The following ZNF106 variants were observed in gnomAD, a reference collection of about 807,000 sequenced individuals.
ZNF106 encodes zinc finger protein 106.
ZNF106 carries 67 observed loss-of-function variants against 195.1 expected under a neutral mutation model. The ratio of observed to expected loss-of-function variants is 0.34; its 90% CI spans 0.28 to 0.42. ZNF106 has a LOEUF of 0.42. ZNF106 is among the 10% of genes least tolerant of loss of function. The pLI, the probability that ZNF106 is intolerant of heterozygous loss-of-function variation, is 1.00. For synonymous variants in ZNF106, 784 were observed against 818.6 expected (o/e 0.96, Z 0.72); for missense variants, 2,118 against 2,304.5 (o/e 0.92, Z 1.66).
chr15:42,441,505 G>T (rs1185912083), intron 10 of ZNF106, among the ~76,000 whole-genome samples: 1 of 152,086 alleles, frequency 6.6e-6, no homozygotes, highest in Non-Finnish European at 1.5e-5. Context: ...GCACCACTGT[G>T]GTAATGCAAA....
chr15:42,462,208 G>A (rs1297692088), intron 3 of ZNF106, among the ~76,000 whole-genome samples: 1 of 152,150 alleles, frequency 6.6e-6, no homozygotes, highest in East Asian at 1.9e-4. Flanking sequence ...GCACAGTGTA[G>A]TTGCATGGGT....
At chr15:42,467,639 CCA>C (rs2056551134) in intron 2 of ZNF106, among the ~76,000 whole-genome samples, 1 of 150,830 alleles carries the variant, frequency 6.6e-6, no homozygotes, top group African/African-American at 2.4e-5. Context: ...AATACAAAAT[CCA>C]AAAAAAAAAA....
Position 42,439,585 on chromosome 15 carries a change from G to T in ZNF106, c.3992C>A (p.Thr1331Asn). ...AAAAGACAATCTTAGAAAAGAACTG[G>T]TACAGGCTTCAGACCCACTATTGCC... Reference protein sequence around the residue: ...TKGNSGSEACTSSFLRLSFAS... With the variant: ...TKGNSGSEACNSSFLRLSFAS... Residue 1331 changes from threonine (T) to asparagine (N), a missense_variant, in exon 11 of 22, where the codon ACC becomes AAC. Transcript: ENST00000564754. 6.2e-7 allele frequency: 1 copy of T among 1,614,180 alleles called. No individual in the cohort carries two copies. Among genetic ancestry groups the T allele is most frequent in the Non-Finnish European group, 8.5e-7 (1 of 1,180,028 alleles).
intron 14 of ZNF106, among the ~76,000 whole-genome samples, chr15:42,431,910 G>A (rs1437264825): frequency 5.3e-5 from 8 of 152,106 alleles, no homozygotes; most frequent in South Asian, 2.1e-4. Flanking sequence ...CACCACACCC[G>A]GCCAGTGTTG....
intron 15 of ZNF106, among the ~76,000 whole-genome samples, chr15:42,425,300 T>C (rs1471803968): frequency 1.3e-5 from 2 of 152,230 alleles, no homozygotes; most frequent in Non-Finnish European, 2.9e-5. Context: ...AAACTGGTTC[T>C]CTTTTTATGC....
chr15:42,434,702 TA>T (rs993931438), intron 14 of ZNF106, among the ~76,000 whole-genome samples: 1 of 152,096 alleles, frequency 6.6e-6, no homozygotes, highest in South Asian at 2.1e-4. Context: ...CATTTAGGTT[TA>T]AAAAACTCTC....
At chr15:42,447,501 G>A (rs1469603023) in intron 6 of ZNF106, among the ~76,000 whole-genome samples, 1 of 152,166 alleles carries the variant, frequency 6.6e-6, no homozygotes, top group Non-Finnish European at 1.5e-5. Context: ...AATATTAGCG[G>A]CAGAAATGCC....
rs144125806 is a variant in ZNF106, at chr15:42,444,864, T to C, written c.3323A>G (p.Tyr1108Cys). The C allele has an allele frequency of 6.2e-7, 1 of 1,614,174 alleles. No individual in the cohort carries two copies. Among genetic ancestry groups the C allele is most frequent in the Non-Finnish European group, 8.5e-7 (1 of 1,180,020 alleles). Residue 1108 changes from tyrosine to cysteine, a missense_variant, in exon 8 of 22, where the codon TAT (tyrosine) becomes TGT (cysteine). By Grantham distance (194) the Tyr-to-Cys change is radical. Coordinates refer to ENST00000564754, the MANE Select transcript of ZNF106 (RefSeq NM_001366845.3). ...LQARAALQTA[Y>C]VEVQRLLMLK... ...CATAAGTAGCCTCTGAACTTCCACA[T>C]AAGCTGTCTGAAGGGCTGCACGGGC...
chr15:42,482,819 G>A (rs996487407), intron 1 of ZNF106, among the ~76,000 whole-genome samples: 4 of 152,014 alleles, frequency 2.6e-5, no homozygotes, highest in African/African-American at 4.8e-5. Flanking sequence ...GTGAGCCACC[G>A]CGCCCGGCAA....
At chr15:42,486,657 AC>A (rs111824830) in intron 1 of ZNF106, among the ~76,000 whole-genome samples, 2,164 of 152,202 alleles carry the variant, frequency 0.014, 45 homozygotes, top group African/African-American at 0.049. Context: ...TGTTCTTGTG[AC>A]CAGAAATATG....
chr15:42,466,073 T>C lies in ZNF106; in HGVS notation c.96A>G (p.Glu32=), dbSNP rs992071589. 3 of 1,534,926 alleles carry C rather than the reference T, an allele frequency of 2.0e-6. No homozygotes were observed. Among genetic ancestry groups the C allele is most frequent in the Non-Finnish European group, 2.6e-6 (3 of 1,146,370 alleles). The change falls in exon 3 of 22, where the codon GAA becomes GAG. Residue 32 remains glutamate, a synonymous_variant. Coordinates refer to ENST00000564754, the MANE Select transcript of ZNF106 (RefSeq NM_001366845.3). ...CATACCTGCCCTTGAGGTTCTCAAG[T>C]TCCCTGTGATGCAACATGCTCCGCA... ...EHMRSMLHHR[E]LENLKGRDIS...
chr15:42,459,350 C>CCTA (rs1373939754), intron 3 of ZNF106, among the ~76,000 whole-genome samples: 1 of 152,010 alleles, frequency 6.6e-6, no homozygotes, highest in African/African-American at 2.4e-5. Context: ...GTGGCGGGCA[C>CCTA]CTGTAATCCC....
At chr15:42,438,042 C>T (rs1416189151) in intron 12 of ZNF106, among the ~76,000 whole-genome samples, 3 of 151,914 alleles carry the variant, frequency 2.0e-5, no homozygotes, top group Non-Finnish European at 4.4e-5. Flanking sequence ...ATCCTTAGAG[C>T]CAATGAAACC....
At chr15:42,423,939 A>G (rs2054761182) in intron 17 of ZNF106, 59 bp downstream of exon 17, 12 of 1,499,108 alleles carry the variant, frequency 8.0e-6, no homozygotes, top group Non-Finnish European at 1.1e-5. Flanking sequence ...TAAGAAAACC[A>G]TCAAGCTTTA....
chr15:42,460,679 G>A (rs1310418091), intron 3 of ZNF106, among the ~76,000 whole-genome samples: 2 of 152,114 alleles, frequency 1.3e-5, no homozygotes, highest in South Asian at 2.1e-4. Flanking sequence ...TGACCAACAC[G>A]GAGAAACCCC....
chr15:42,486,256 C>T (rs1567036122), intron 1 of ZNF106, among the ~76,000 whole-genome samples: 1 of 151,568 alleles, frequency 6.6e-6, no homozygotes, highest in African/African-American at 2.4e-5. Flanking sequence ...CCGCGCCCAG[C>T]CCTTCTTTTT....
At chr15:42,432,032 C>T (rs539183396) in intron 14 of ZNF106, among the ~76,000 whole-genome samples, 1 of 152,238 alleles carries the variant, frequency 6.6e-6, no homozygotes, top group Non-Finnish European at 1.5e-5. Context: ...CCTTTCAGTT[C>T]TATCAGTTAT....
At chr15:42,459,373 G>A (rs555285726) in intron 3 of ZNF106, among the ~76,000 whole-genome samples, 5 of 152,072 alleles carry the variant, frequency 3.3e-5, no homozygotes, top group African/African-American at 9.7e-5. Flanking sequence ...CTACTCAAGA[G>A]GCTGAGGCAG....
rs1139100 is a variant in ZNF106, at chr15:42,415,807, A to G, written c.*1497T>C. On this transcript the variant is annotated 3_prime_UTR_variant, in exon 22 of 22. Transcript: ENST00000564754. ...GGCTGGAGTGCAGTGGCACGATCTCAGCTTACTGCAATCTCTGCCTCCCGG... is the reference window on the plus strand; with the variant it reads ...GGCTGGAGTGCAGTGGCACGATCTCGGCTTACTGCAATCTCTGCCTCCCGG... The G allele has an allele frequency of 0.35, 53,629 of 155,420 alleles. 16,284 individuals carry two copies. The highest frequency in any genetic ancestry group is 0.83 in the African/African-American group (33,990 of 41,094). 9.6% of individuals were successfully genotyped at this position (155,420 alleles called of 1,614,324 possible).
Sources: allele counts gnomAD v4.1 joint callset (sites outside exome capture counted in the v4.1 genomes callset), GRCh38; gene constraint gnomAD v4.1.1; transcripts MANE v1.5; gene names NCBI Gene and HGNC (gene_info 2026-07-23, HGNC 2026-07-21).